Variants in CFAP299 observed in about 807,000 individuals in gnomAD.
The protein encoded by CFAP299 is cilia and flagella associated protein 299, also known as cilia- and flagella-associated protein 299.
CFAP299 carries 21 observed loss-of-function variants against 27.0 expected under a neutral mutation model. The ratio of observed to expected loss-of-function variants is 0.78; its 90% confidence interval spans 0.55 to 1.12. The LOEUF is 1.12. Ranked by LOEUF, CFAP299 falls within the 50% of genes most tolerant of loss-of-function variation. The probability of loss-of-function intolerance (pLI) is 0.00; values close to 1 mark genes in which losing one functional copy is unlikely to be tolerated. For missense variants in CFAP299, 310 were observed against 276.6 expected (o/e 1.12, Z -0.86); for synonymous variants, 104 against 98.1 (o/e 1.06, Z -0.36).
At chr4:80,335,994 C>T in intron 1 of CFAP299, 115 bp downstream of exon 1, 1 of 689,436 alleles carries the variant, frequency 1.5e-6, no homozygotes, top group East Asian at 2.6e-5. Flanking sequence ...TGTCAGGCGC[C>T]GCGGTTTCGG....
At chr4:80,439,952 G>A (rs1047301650) in intron 2 of CFAP299, among the ~76,000 whole-genome samples, 10 of 152,148 alleles carry the variant, frequency 6.6e-5, no homozygotes, top group Non-Finnish European at 8.8e-5. Context: ...CGAACTGGGC[G>A]GAACCCCCAA....
chr4:80,565,940 C>T (rs1335549817), intron 2 of CFAP299, among the ~76,000 whole-genome samples: 3 of 152,020 alleles, frequency 2.0e-5, no homozygotes, highest in South Asian at 2.1e-4. Context: ...TGTTAACTGA[C>T]TTAGGGTCTC....
At chr4:80,827,204 G>A (rs1730033538) in intron 3 of CFAP299, among the ~76,000 whole-genome samples, 1 of 151,726 alleles carries the variant, frequency 6.6e-6, no homozygotes, top group African/African-American at 2.4e-5. Context: ...TTCTTTAAAT[G>A]CCCTCACTTT....
At chr4:80,813,870 T>G (rs1285916588) in intron 3 of CFAP299, among the ~76,000 whole-genome samples, 2 of 152,026 alleles carry the variant, frequency 1.3e-5, no homozygotes, top group Non-Finnish European at 2.9e-5. Flanking sequence ...AGACAGTATT[T>G]TGAAGGAATA....
intron 2 of CFAP299, among the ~76,000 whole-genome samples, chr4:80,520,037 C>A (rs776462180): frequency 3.3e-5 from 5 of 152,108 alleles, no homozygotes; most frequent in Non-Finnish European, 5.9e-5. Flanking sequence ...CCTTGCCTCC[C>A]CTATCTCCGT....
intron 2 of CFAP299, among the ~76,000 whole-genome samples, chr4:80,580,700 A>G (rs1736117381): frequency 6.6e-6 from 1 of 151,964 alleles, no homozygotes; most frequent in African/African-American, 2.4e-5. Context: ...ATGCTATAGG[A>G]AGCTATGAGT....
chr4:80,689,722 G>T (rs894119699), intron 3 of CFAP299, among the ~76,000 whole-genome samples: 1 of 152,128 alleles, frequency 6.6e-6, no homozygotes, highest in Non-Finnish European at 1.5e-5. Context: ...TGGACTAAAT[G>T]CTCCAATTAA....
At chr4:80,853,741 G>C (rs1731662642) in intron 3 of CFAP299, among the ~76,000 whole-genome samples, 1 of 152,140 alleles carries the variant, frequency 6.6e-6, no homozygotes, top group Non-Finnish European at 1.5e-5. Flanking sequence ...TGAATGTGAA[G>C]TGTCATGAAA....
At chr4:80,387,224 G>T in intron 2 of CFAP299, 1 of 1,456,112 alleles carries the variant, frequency 6.9e-7, no homozygotes, top group South Asian at 1.1e-5. Context: ...GTACATCGGG[G>T]GTAAGTCCTT....
chr4:80,888,757 A>G (rs916269773), intron 4 of CFAP299, among the ~76,000 whole-genome samples: 16 of 152,204 alleles, frequency 1.1e-4, no homozygotes, highest in African/African-American at 3.8e-4. Context: ...AAAAATTGAA[A>G]CAATATCAAA....
At chr4:80,386,367 G>A in intron 2 of CFAP299, 1 of 1,474,964 alleles carries the variant, frequency 6.8e-7, no homozygotes, top group Admixed American at 1.9e-5. Context: ...TGCGAAGGGC[G>A]GCTTGCCCGG....
At chr4:80,777,362 G>C (rs923203743) in intron 3 of CFAP299, among the ~76,000 whole-genome samples, 2 of 152,052 alleles carry the variant, frequency 1.3e-5, no homozygotes, top group Non-Finnish European at 2.9e-5. Flanking sequence ...TTCTATGGCT[G>C]AGACATTGGA....
intron 3 of CFAP299, among the ~76,000 whole-genome samples, chr4:80,661,977 G>A (rs1740874628): frequency 6.6e-6 from 1 of 152,086 alleles, no homozygotes; most frequent in South Asian, 2.1e-4. Flanking sequence ...ATTAGGACGA[G>A]GAAATTCCCA....
At chr4:80,653,645 T>A (rs930681022) in intron 3 of CFAP299, among the ~76,000 whole-genome samples, 5 of 152,158 alleles carry the variant, frequency 3.3e-5, no homozygotes, top group Admixed American at 2.6e-4. Context: ...ATATTCGTTT[T>A]GAATGTAACA....
chr4:80,532,234 T>C (rs1733514913), intron 2 of CFAP299, among the ~76,000 whole-genome samples: 1 of 152,200 alleles, frequency 6.6e-6, no homozygotes, highest in Non-Finnish European at 1.5e-5. Flanking sequence ...CTTTTGGAAA[T>C]AGCTTATTAC....
At chr4:80,888,374 G>T (rs536774336) in intron 4 of CFAP299, among the ~76,000 whole-genome samples, 121 of 152,092 alleles carry the variant, frequency 8.0e-4, no homozygotes, top group African/African-American at 2.6e-3. Context: ...CAAGAAAAAA[G>T]TGTGAGACAA....
At chr4:80,501,627 AT>A (rs1441303814) in intron 2 of CFAP299, among the ~76,000 whole-genome samples, 1 of 150,792 alleles carries the variant, frequency 6.6e-6, no homozygotes, top group Non-Finnish European at 1.5e-5. Context: ...ATTAGAAGAT[AT>A]TTTTTCATGT....
intron 3 of CFAP299, among the ~76,000 whole-genome samples, chr4:80,859,539 C>T (rs1732171066): frequency 1.3e-5 from 2 of 152,142 alleles, no homozygotes; most frequent in South Asian, 2.1e-4. Context: ...GATTTTGCAG[C>T]AGCTGGTACT....
intron 1 of CFAP299, among the ~76,000 whole-genome samples, chr4:80,340,603 T>C (rs1722395726): frequency 1.3e-5 from 2 of 152,110 alleles, no homozygotes; most frequent in Admixed American, 1.3e-4. Context: ...GGAGACTGCC[T>C]AAGATGGACA....
Sources: allele counts gnomAD v4.1 joint callset (sites outside exome capture counted in the v4.1 genomes callset), GRCh38; gene constraint gnomAD v4.1.1; transcripts MANE v1.5; gene names NCBI Gene and HGNC (gene_info 2026-07-23, HGNC 2026-07-21).